FBN1: variants seen among roughly 807,000 people sequenced by gnomAD.
The protein encoded by FBN1 is fibrillin 1.
A neutral mutation model predicts 365.1 loss-of-function variants in FBN1; 29 were observed. That is an observed-to-expected ratio of 0.08 (90% CI 0.06 to 0.11). FBN1 has a LOEUF of 0.11. Among genes scored for constraint, FBN1 ranks in the 10% least tolerant of loss-of-function variants. FBN1 has a pLI of 1.00. For synonymous variants in FBN1, 1,210 were observed against 1,270.5 expected, an observed-to-expected ratio of 0.95 and a Z score of 1.01; for missense variants, 2,476 against 3,703.2, an observed-to-expected ratio of 0.67 and a Z score of 8.60.
chr15:48,530,430 C>T (rs5027380), intron 8 of FBN1, among the ~76,000 whole-genome samples: 26,493 of 152,160 alleles, frequency 0.17, 2,454 homozygotes, highest in East Asian at 0.36. Flanking sequence ...CATTTGAAAG[C>T]TGAAGTAACT....
At chr15:48,440,903 A>G (rs1017062258) in intron 50 of FBN1, among the ~76,000 whole-genome samples, 5 of 151,224 alleles carry the variant, frequency 3.3e-5, no homozygotes, top group Non-Finnish European at 7.4e-5. Context: ...AAACCATGAA[A>G]AAAAAAAAAA....
intron 6 of FBN1, among the ~76,000 whole-genome samples, chr15:48,540,143 T>C (rs1006296774): frequency 9.2e-5 from 14 of 152,196 alleles, no homozygotes; most frequent in African/African-American, 3.4e-4. Context: ...CAAATACCTA[T>C]AGGGATTTAA....
At chr15:48,453,840 AAAAG>A (rs762355709) in intron 44 of FBN1, among the ~76,000 whole-genome samples, 28 of 152,190 alleles carry the variant, frequency 1.8e-4, no homozygotes, top group Non-Finnish European at 2.9e-4. Flanking sequence ...TATTAAAAAA[AAAAG>A]AAAGAAAGAA....
chr15:48,563,916 T>C (rs1456639089), intron 6 of FBN1, among the ~76,000 whole-genome samples: 4 of 152,222 alleles, frequency 2.6e-5, no homozygotes, highest in Non-Finnish European at 2.9e-5. Context: ...AAAAATGCTC[T>C]GAAAATGAGA....
chr15:48,578,242 T>C (rs1344873381), intron 6 of FBN1, among the ~76,000 whole-genome samples: 1 of 152,174 alleles, frequency 6.6e-6, no homozygotes, highest in East Asian at 1.9e-4. Flanking sequence ...CAAATCTGCA[T>C]GGGAAGAAGC....
intron 25 of FBN1, 75 bp downstream of exon 25, chr15:48,489,776 G>A: frequency 9.1e-7 from 1 of 1,104,814 alleles, no homozygotes; most frequent in East Asian, 2.4e-5. Context: ...ATCAAGTAGA[G>A]TGCTGAGATC....
Position 48,410,920 on chromosome 15 carries a change from T to A in FBN1, c.*70A>T. The A allele has an allele frequency of 7.3e-7, 1 of 1,376,862 alleles. No homozygotes were observed. The highest frequency in any genetic ancestry group is 1.0e-6 in the Non-Finnish European group (1 of 983,798). The allele number at this position is 1,376,862 out of a possible 1,614,324, so 85.3% of individuals were successfully genotyped here. The stretch of plus-strand genomic sequence containing the variant: ...TGTACCTATGATATGATGATTCTGA[T>A]TGGGGGAAAATATAGTTCTACCTAT... On this transcript the variant is annotated 3_prime_UTR_variant, in exon 66 of 66. Coordinates refer to ENST00000316623, the MANE Select transcript of FBN1 (RefSeq NM_000138.5).
chr15:48,441,966 G>C (rs2043118849), intron 49 of FBN1, 120 bp from the exon 50 acceptor site: 2 of 1,025,228 alleles, frequency 2.0e-6, no homozygotes, highest in Non-Finnish European at 3.0e-6. Context: ...AATAATAAAG[G>C]TATTTTTCTG....
chr15:48,410,655 A>T lies in FBN1; in HGVS notation c.*335T>A. ...AAATTTGCAAAAAATAGAGTAGTCC[A>T]TCAATTGAAAGCACATTCCCGTACG... On this transcript the variant is annotated 3_prime_UTR_variant, in exon 66 of 66. Transcript: ENST00000316623. The T allele has an allele frequency of 3.6e-6, 1 of 279,200 alleles. No individual in the cohort carries two copies. Among genetic ancestry groups the T allele is most frequent in the South Asian group, 5.4e-5 (1 of 18,500 alleles). 17.3% of individuals were successfully genotyped at this position (279,200 alleles called of 1,614,324 possible). A position where few individuals can be genotyped will look rare whatever the true frequency, so the allele number is the denominator to read the frequency against.
At chr15:48,627,808 C>T (rs1051827794) in intron 2 of FBN1, among the ~76,000 whole-genome samples, 1 of 152,176 alleles carries the variant, frequency 6.6e-6, no homozygotes, top group Non-Finnish European at 1.5e-5. Context: ...CAGCACTGTC[C>T]TCTCAGCACC....
chr15:48,584,681 G>A (rs903338728), intron 6 of FBN1, among the ~76,000 whole-genome samples: 1 of 152,008 alleles, frequency 6.6e-6, no homozygotes, highest in African/African-American at 2.4e-5. Context: ...AAGAAATGAG[G>A]CCTAAATAAG....
intron 2 of FBN1, among the ~76,000 whole-genome samples, chr15:48,634,221 G>A (rs930526502): frequency 5.3e-5 from 8 of 152,132 alleles, no homozygotes; most frequent in Non-Finnish European, 1.2e-4. Context: ...GAAGCAGGAT[G>A]CATCAAACTT....
chr15:48,617,631 A>G (rs1007482592), intron 2 of FBN1, among the ~76,000 whole-genome samples: 3 of 152,166 alleles, frequency 2.0e-5, no homozygotes, highest in Non-Finnish European at 4.4e-5. Flanking sequence ...GTGCTCTGTA[A>G]GAACCCAACT....
At chr15:48,491,489 T>C (rs979035310) in intron 24 of FBN1, among the ~76,000 whole-genome samples, 2 of 152,114 alleles carry the variant, frequency 1.3e-5, no homozygotes, top group South Asian at 2.1e-4. Context: ...TAGCTGGGAT[T>C]ACAGGTGCCC....
At position 48,410,718 on chromosome 15, in the gene FBN1, C is replaced by A. The variant is rs748707223; in HGVS notation, c.*272G>T. ...ATGGCATGTCAGCATAAATGGCCAA[C>A]CCCCAATGGAAATACACGTCCCAGT... On this transcript the variant is annotated 3_prime_UTR_variant, in exon 66 of 66. Transcript: ENST00000316623. The A allele has an allele frequency of 4.5e-5, 19 of 423,390 alleles. No individual in the cohort carries two copies. The highest frequency in any genetic ancestry group is 4.2e-5 in the Non-Finnish European group (10 of 237,228). The allele number at this position is 423,390 out of a possible 1,614,324, so 26.2% of individuals were successfully genotyped here.
intron 2 of FBN1, among the ~76,000 whole-genome samples, chr15:48,626,683 A>C (rs1038563925): frequency 6.6e-6 from 1 of 152,208 alleles, no homozygotes; most frequent in Non-Finnish European, 1.5e-5. Context: ...TTAACACTTC[A>C]CAATATTAGC....
intron 46 of FBN1, among the ~76,000 whole-genome samples, chr15:48,448,157 T>C (rs2043173223): frequency 6.6e-6 from 1 of 152,068 alleles, no homozygotes. Context: ...TTCTTTCAGC[T>C]GTGAATCTGA....
intron 46 of FBN1, among the ~76,000 whole-genome samples, chr15:48,447,578 G>A (rs2043169655): frequency 6.6e-6 from 1 of 152,094 alleles, no homozygotes; most frequent in African/African-American, 2.4e-5. Flanking sequence ...ATTATATTAA[G>A]GAGGAAGTAA....
intron 40 of FBN1, among the ~76,000 whole-genome samples, chr15:48,464,275 C>G (rs1249604411): frequency 6.6e-6 from 1 of 152,066 alleles, no homozygotes; most frequent in Non-Finnish European, 1.5e-5. Context: ...TTTTGGGAGG[C>G]CAAGGTGGGT....
Sources: gnomAD v4.1 joint callset for allele counts (sites outside exome capture counted in the v4.1 genomes callset) on GRCh38, gnomAD v4.1.1 for gene constraint, MANE v1.5 for transcripts, NCBI Gene and HGNC (gene_info 2026-07-23, HGNC 2026-07-21) for gene names.